XKR4: variants seen among roughly 807,000 people sequenced by gnomAD.
XKR4 encodes the protein XK related 4.
XKR4 carries 12 observed loss-of-function variants against 53.9 expected under a neutral mutation model. That is an observed-to-expected ratio of 0.22 (90% CI 0.14 to 0.36). XKR4 has a LOEUF of 0.36. Among genes scored for constraint, XKR4 ranks in the 10% least tolerant of loss-of-function variants. The pLI, the probability that XKR4 is intolerant of heterozygous loss-of-function variation, is 1.00. For synonymous variants in XKR4, 354 were observed against 362.4 expected (o/e 0.98, Z 0.26); for missense variants, 799 against 859.5 (o/e 0.93, Z 0.88).
At chr8:55,115,821 G>C (rs1003645861) in intron 1 of XKR4, among the ~76,000 whole-genome samples, 1 of 152,128 alleles carries the variant, frequency 6.6e-6, no homozygotes, top group Non-Finnish European at 1.5e-5. Flanking sequence ...TTATGTTGCA[G>C]AACCAATCTC....
At chr8:55,362,889 C>T (rs915847647) in intron 2 of XKR4, among the ~76,000 whole-genome samples, 4 of 152,220 alleles carry the variant, frequency 2.6e-5, no homozygotes, top group Non-Finnish European at 1.5e-5. Flanking sequence ...CAGCCCAGAA[C>T]ACCATGTAGA....
chr8:55,138,998 G>A (rs1473086270), intron 1 of XKR4, among the ~76,000 whole-genome samples: 1 of 152,228 alleles, frequency 6.6e-6, no homozygotes, highest in African/African-American at 2.4e-5. Flanking sequence ...TCGTCTGTCT[G>A]AGATCTTTAA....
At chr8:55,485,860 A>G (rs1806182614) in intron 2 of XKR4, among the ~76,000 whole-genome samples, 1 of 152,204 alleles carries the variant, frequency 6.6e-6, no homozygotes, top group Non-Finnish European at 1.5e-5. Context: ...TGGAAAAACC[A>G]GTGCTGATCA....
intron 1 of XKR4, among the ~76,000 whole-genome samples, chr8:55,262,630 T>C (rs1818541819): frequency 6.6e-6 from 1 of 152,204 alleles, no homozygotes; most frequent in Non-Finnish European, 1.5e-5. Context: ...GAGAGGCCTC[T>C]CCAGGAATCA....
intron 2 of XKR4, among the ~76,000 whole-genome samples, chr8:55,501,688 A>C (rs1310907900): frequency 4.0e-5 from 1 of 25,302 alleles, no homozygotes; most frequent in Non-Finnish European, 9.6e-5. Context: ...ATACATACAT[A>C]TATATATATA....
intron 2 of XKR4, chr8:55,451,994 C>T: frequency 1.3e-6 from 1 of 774,572 alleles, no homozygotes; most frequent in Middle Eastern, 2.4e-4. Context: ...CATGCTGCCG[C>T]CCGATGGTCT....
intron 2 of XKR4, among the ~76,000 whole-genome samples, chr8:55,460,114 T>A (rs1480684172): frequency 6.6e-6 from 1 of 151,178 alleles, no homozygotes; most frequent in Admixed American, 6.6e-5. Context: ...GAATAACAAC[T>A]GATAGATACA....
At chr8:55,127,215 A>G (rs1816479281) in intron 1 of XKR4, among the ~76,000 whole-genome samples, 1 of 150,862 alleles carries the variant, frequency 6.6e-6, no homozygotes, top group Admixed American at 6.6e-5. Context: ...ATCATTTGCT[A>G]TCATTTAAGT....
chr8:55,285,038 A>G (rs1197020214), intron 1 of XKR4, among the ~76,000 whole-genome samples: 1 of 152,190 alleles, frequency 6.6e-6, no homozygotes, highest in Non-Finnish European at 1.5e-5. Context: ...TGATCCTGTT[A>G]AAAACCAGCT....
At position 55,289,669 on chromosome 8, in the gene XKR4, A is replaced by AAAG. The variant is rs1434588617; in HGVS notation, c.807-68007_807-68006insGAA. ...AGAAAGGAAGGAAGGAAAAGAAAAG[A>AAAG]AAAGAAAGAGAAAGAAAGAAAGAAA... On this transcript the variant is annotated intron_variant, in intron 1 of 2. Coordinates refer to ENST00000327381, the MANE Select transcript of XKR4 (RefSeq NM_052898.2). Among the ~76,000 whole-genome samples, 148 of 74,174 alleles carry AAAG rather than the reference A, an allele frequency of 2.0e-3. 5 individuals carry two copies. Among genetic ancestry groups the AAAG allele is most frequent in the Middle Eastern group, 6.0e-3 (1 of 166 alleles). The allele number at this position is 74,174 out of a possible 152,430, so 48.7% of individuals were successfully genotyped here. A position where few individuals can be genotyped will look rare whatever the true frequency, so the allele number is the denominator to read the frequency against.
At chr8:55,193,045 A>G (rs1817464186) in intron 1 of XKR4, among the ~76,000 whole-genome samples, 2 of 151,878 alleles carry the variant, frequency 1.3e-5, no homozygotes, top group Non-Finnish European at 2.9e-5. Flanking sequence ...GTGAGATGAC[A>G]GAAGGCAGTG....
chr8:55,537,130 G>A lies in XKR4; in HGVS notation c.*12903G>A, dbSNP rs1427090379. 1 of 152,008 alleles carries A rather than the reference G, an allele frequency of 6.6e-6. No homozygotes were observed. Among genetic ancestry groups the A allele is most frequent in the African/African-American group, 2.4e-5 (1 of 41,378 alleles). The allele number at this position is 152,008 out of a possible 1,614,324, so 9.4% of individuals were successfully genotyped here. ...ACAAAATACCATACATAGTTTTTTG[G>A]GTTTGGTTTGTTGATGTCATGCCAA... On this transcript the variant is annotated 3_prime_UTR_variant, in exon 3 of 3. Coordinates refer to ENST00000327381, the MANE Select transcript of XKR4 (RefSeq NM_052898.2).
chr8:55,218,992 A>C (rs1319262361), intron 1 of XKR4, among the ~76,000 whole-genome samples: 1 of 148,512 alleles, frequency 6.7e-6, no homozygotes, highest in African/African-American at 2.5e-5. Context: ...AGATCCTCAA[A>C]TCAAATTCTA....
Position 55,255,748 on chromosome 8 carries a change from G to A in XKR4, c.807-101930G>A, listed in dbSNP as rs149237933. ...GTTAACCTTAAGAGATTAGCAAGGA[G>A]CTCTTTGTTTAAGTTTGTGAAGTCA... On this transcript the variant is annotated intron_variant, in intron 1 of 2. Coordinates refer to ENST00000327381, the MANE Select transcript of XKR4 (RefSeq NM_052898.2). 4.7e-3 allele frequency among the ~76,000 whole-genome samples: 710 copies of A among 152,228 alleles called. 1 individual carries two copies. Among genetic ancestry groups the A allele is most frequent in the Non-Finnish European group, 7.8e-3 (532 of 68,012 alleles).
intron 1 of XKR4, among the ~76,000 whole-genome samples, chr8:55,268,296 G>A (rs1818640248): frequency 6.6e-6 from 1 of 152,178 alleles, no homozygotes; most frequent in African/African-American, 2.4e-5. Context: ...TTGAGATCTA[G>A]CAGATGAGAA....
chr8:55,489,109 A>G (rs1404503155), intron 2 of XKR4, among the ~76,000 whole-genome samples: 1 of 152,222 alleles, frequency 6.6e-6, no homozygotes, highest in Non-Finnish European at 1.5e-5. Flanking sequence ...AGGATTTACA[A>G]CACGAAGAGT....
At chr8:55,311,209 T>A (rs1819383287) in intron 1 of XKR4, among the ~76,000 whole-genome samples, 1 of 152,134 alleles carries the variant, frequency 6.6e-6, no homozygotes, top group Non-Finnish European at 1.5e-5. Flanking sequence ...AATGACAGCA[T>A]ATGCAAGCTC....
chr8:55,425,206 A>C (rs573962729), intron 2 of XKR4, among the ~76,000 whole-genome samples: 1 of 152,332 alleles, frequency 6.6e-6, no homozygotes, highest in Non-Finnish European at 1.5e-5. Context: ...CTGGAGGCAC[A>C]CAGTTGGCTT....
intron 1 of XKR4, among the ~76,000 whole-genome samples, chr8:55,103,806 G>A (rs1020050072): frequency 3.4e-4 from 49 of 145,926 alleles, no homozygotes; most frequent in African/African-American, 1.2e-3. Flanking sequence ...CACTGCTGGA[G>A]AAGTGCTTTA....
Sources: gnomAD v4.1 joint callset for allele counts (sites outside exome capture counted in the v4.1 genomes callset) on GRCh38, gnomAD v4.1.1 for gene constraint, MANE v1.5 for transcripts, NCBI Gene and HGNC (gene_info 2026-07-23, HGNC 2026-07-21) for gene names.